Variants in IRF2BP1 observed in about 807,000 individuals in gnomAD.
The protein encoded by IRF2BP1 is interferon regulatory factor 2-binding protein 1.
In IRF2BP1, 9 loss-of-function variants were observed where a neutral mutation model predicts 38.6. The ratio of observed to expected loss-of-function variants is 0.23; its 90% CI spans 0.14 to 0.41. The LOEUF (loss-of-function observed/expected upper bound fraction) is 0.41. Ranked by LOEUF, IRF2BP1 falls within the 10% of genes least tolerant of loss-of-function variation. IRF2BP1 has a pLI of 1.00. For synonymous variants in IRF2BP1, 416 were observed against 383.4 expected, an observed-to-expected ratio of 1.08 and a Z score of -0.99; for missense variants, 631 against 829.6, an observed-to-expected ratio of 0.76 and a Z score of 2.94.
Position 45,884,150 on chromosome 19 carries a change from C to A in IRF2BP1, c.1625G>T (p.Gly542Val). 6.2e-7 allele frequency: 1 copy of A among 1,613,196 alleles called. No homozygotes were observed. Among genetic ancestry groups the A allele is most frequent in the Non-Finnish European group, 8.5e-7 (1 of 1,179,892 alleles). Residue 542 changes from glycine to valine, a missense_variant, in exon 1 of 1, where the codon GGG becomes GTG. Gly to Val is a moderately radical substitution (Grantham distance 109, BLOSUM62 -3). This residue lies in a region of IRF2BP1 where 58 missense variants were observed against 108.4 expected (regional missense o/e 0.54). Transcript: ENST00000302165. ...GTCTCCGCTCGGGCAGTACACCTCC[C>A]CGGCCGGGCCCTGCGCCTTGATGAA... is the stretch of plus-strand genomic sequence containing the variant. ...REFIKAQGPA[G>V]EVYCPSGDKC...
Position 45,885,526 on chromosome 19 carries a change from TGCC to T in IRF2BP1, c.246_248del (p.Ala85del), listed in dbSNP as rs1568638689. 1 of 1,418,620 alleles carries T rather than the reference TGCC, an allele frequency of 7.0e-7. No homozygotes were observed. Among genetic ancestry groups the T allele is most frequent in the African/African-American group, 1.5e-5 (1 of 66,366 alleles). The allele number at this position is 1,418,620 out of a possible 1,614,324, so 87.9% of individuals were successfully genotyped here. ...GCGGCAGCTGGGGCCCCTGTGCGGCTGCCGCCGCCAGGTCCTTGGTGGCCGGGT... is the reference window on the plus strand; with the variant it reads ...GCGGCAGCTGGGGCCCCTGTGCGGCTGCCGCCAGGTCCTTGGTGGCCGGGT... On this transcript the variant is annotated inframe_deletion, in exon 1 of 1. Coordinates refer to ENST00000302165, the MANE Select transcript of IRF2BP1 (RefSeq NM_015649.3).
rs771615840 is a variant in IRF2BP1 at position 45,885,220 on chromosome 19, C to G, written c.555G>C (p.Leu185Phe). ...AGCCGAAGAGGGGACGGGCAGGACT[C>G]AAGCCGGGTGCCAGCGTCAGGCCTC... ...GSRGLTLAPG[L>F]SPARPLFGSD... is the part of the protein sequence containing the mutation. Residue 185 changes from leucine to phenylalanine, a missense_variant, in exon 1 of 1, where the codon TTG becomes TTC. Physicochemically the swap from Leu to Phe is conservative, Grantham distance 22. Transcript: ENST00000302165. 5.0e-6 allele frequency: 8 copies of G among 1,605,756 alleles called. No homozygotes were observed. The Admixed American group carries it at 1.3e-4, about 27-fold the overall frequency.
Position 45,884,176 on chromosome 19 carries a change from C to T in IRF2BP1, c.1599G>A (p.Glu533=). The T allele has an allele frequency of 6.2e-7, 1 of 1,613,040 alleles. No individual in the cohort carries two copies. The highest frequency in any genetic ancestry group is 1.3e-5 in the African/African-American group (1 of 75,066). The change falls in exon 1 of 1, where the codon GAG becomes GAA. Residue 533 remains glutamate, a synonymous_variant. Transcript: ENST00000302165. ...CGGCCGGGCCCTGCGCCTTGATGAA[C>T]TCCCGGGAGCAGGGAAAGCAGAACT... is the stretch of plus-strand genomic sequence containing the variant. ...GHKFCFPCSR[E]FIKAQGPAGE...
In IRF2BP1 at chr19:45,885,726, G is replaced by A. The variant is rs1967047291; in HGVS notation, c.49C>T (p.Leu17=). The change falls in exon 1 of 1, where the codon CTG becomes TTG. Residue 17 remains leucine (L), a synonymous_variant. Transcript: ENST00000302165. ...ACCATGGCCCACGGCATCTTGGGCAGGTCGCACAGGTAGCACCACTGGCGG... is the reference window on the plus strand; with the variant it reads ...ACCATGGCCCACGGCATCTTGGGCAAGTCGCACAGGTAGCACCACTGGCGG... ...SRRQWCYLCD[L]PKMPWAMVWD... 1 of 1,584,096 alleles carries A rather than the reference G, an allele frequency of 6.3e-7. No homozygotes were observed. The highest frequency in any genetic ancestry group is 8.5e-7 in the Non-Finnish European group (1 of 1,173,782).
chr19:45,883,921 T>TA lies in IRF2BP1; in HGVS notation c.*98dup. On this transcript the variant is annotated 3_prime_UTR_variant, in exon 1 of 1. Transcript: ENST00000302165. ...TGGAAGAAGGGAGTATGTACACAGA[T>TA]AGAGGTGGCACTGGGCTGGGTCGGG... 1 of 1,146,882 alleles carries TA rather than the reference T, an allele frequency of 8.7e-7. No homozygotes were observed. Among genetic ancestry groups the TA allele is most frequent in the South Asian group, 1.6e-5 (1 of 63,108 alleles). The allele number at this position is 1,146,882 out of a possible 1,614,324, so 71.0% of individuals were successfully genotyped here.
chr19:45,886,092 T>TCGCCGCCGCCGCTGCGACGGC lies in IRF2BP1; in HGVS notation c.-319_-318insGCCGTCGCAGCGGCGGCGGCG, dbSNP rs1967052859. On this transcript the variant is annotated 5_prime_UTR_variant, in exon 1 of 1. Coordinates refer to ENST00000302165, the MANE Select transcript of IRF2BP1 (RefSeq NM_015649.3). Reference sequence around the variant, plus strand: ...CCGCCGCCTCGGGCTCCCGCCGCTCTCGCCGCCGCCGCTGCAACGGCCGCC... The same window carrying TCGCCGCCGCCGCTGCGACGGC: ...CCGCCGCCTCGGGCTCCCGCCGCTCTCGCCGCCGCCGCTGCGACGGCCGCCGCCGCCGCTGCAACGGCCGCC... 1 of 222,750 alleles carries TCGCCGCCGCCGCTGCGACGGC rather than the reference T, an allele frequency of 4.5e-6. No homozygotes were observed. The highest frequency in any genetic ancestry group is 1.6e-4 in the South Asian group (1 of 6,400). 13.8% of individuals were successfully genotyped at this position (222,750 alleles called of 1,614,324 possible).
rs1313240825 is a variant in IRF2BP1 at position 45,885,460 on chromosome 19, G to T, written c.315C>A (p.Gly105=). The T allele has an allele frequency of 6.8e-7, 1 of 1,479,188 alleles. No homozygotes were observed. The highest frequency in any genetic ancestry group is 8.9e-7 in the Non-Finnish European group (1 of 1,119,912). The allele number at this position is 1,479,188 out of a possible 1,614,324, so 91.6% of individuals were successfully genotyped here. A position where few individuals can be genotyped will look rare whatever the true frequency, so the allele number is the denominator to read the frequency against. Residue 105 remains glycine (G), a synonymous_variant, in exon 1 of 1, where the codon GGC becomes GGA. Transcript: ENST00000302165. ...AQPQPSGTGG[G]VSGQDRYDRA... ...TGTCATAGCGGTCCTGGCCCGACAC[G>T]CCGCCGCCGGTCCCTGACGGCTGGG... is the stretch of plus-strand genomic sequence containing the variant.
At position 45,884,397 on chromosome 19, in the gene IRF2BP1, C is replaced by T; in HGVS notation, c.1378G>A (p.Ala460Thr). Residue 460 changes from alanine (A) to threonine (T), a missense_variant, in exon 1 of 1, where the codon GCC becomes ACC. By Grantham distance (58) the Ala-to-Thr change is moderately conservative. Around this residue, in one of 5 missense-constraint regions of IRF2BP1, gnomAD observed 201 missense variants for 215.3 expected, o/e 0.93. Coordinates refer to ENST00000302165, the MANE Select transcript of IRF2BP1 (RefSeq NM_015649.3). The part of the protein sequence containing the change: ...GGASPAASST[A>T]QPPTQHRLVA... ...AGGCGATGCTGGGTTGGCGGCTGGGCCGTGGAGGAGGCTGCAGGGCTGGCG... is the reference window on the plus strand; with the variant it reads ...AGGCGATGCTGGGTTGGCGGCTGGGTCGTGGAGGAGGCTGCAGGGCTGGCG... The T allele has an allele frequency of 1.2e-6, 2 of 1,603,054 alleles. No individual in the cohort carries two copies. The highest frequency in any genetic ancestry group is 8.5e-7 in the Non-Finnish European group (1 of 1,178,452).
chr19:45,885,272 G>C lies in IRF2BP1; in HGVS notation c.503C>G (p.Ala168Gly). 1 of 1,603,054 alleles carries C rather than the reference G, an allele frequency of 6.2e-7. No individual in the cohort carries two copies. Among genetic ancestry groups the C allele is most frequent in the Non-Finnish European group, 8.5e-7 (1 of 1,179,904 alleles). ...GCTTCCCAGGCCAGACACTGCAGCT[G>C]CCAGCAGCCCAGGGGGCATCAAGCC... The part of the protein sequence containing the change: ...MPGLMPPGLL[A>G]AAVSGLGSRG... Residue 168 changes from alanine to glycine, a missense_variant, in exon 1 of 1, where the codon GCA becomes GGA. This residue lies in a region of IRF2BP1 where 206 missense variants were observed against 207.0 expected (regional missense o/e 1.00). Transcript: ENST00000302165.
rs940210630 is a variant in IRF2BP1 at position 45,885,132 on chromosome 19, T to A, written c.643A>T (p.Met215Leu). 2.5e-6 allele frequency: 4 copies of A among 1,611,274 alleles called. No homozygotes were observed. Among genetic ancestry groups the A allele is most frequent in the Non-Finnish European group, 2.5e-6 (3 of 1,180,022 alleles). The change falls in exon 1 of 1, where the codon ATG (methionine) becomes TTG (leucine). Residue 215 changes from methionine (M) to leucine (L), a missense_variant. Coordinates refer to ENST00000302165, the MANE Select transcript of IRF2BP1 (RefSeq NM_015649.3). Reference protein sequence around the residue: ...ADCLAELNEAMRGRAEEWHGR... With the variant: ...ADCLAELNEALRGRAEEWHGR... ...TGCCATTCCTCTGCCCGGCCTCGCA[T>A]GGCCTCGTTCAGTTCTGCCAGACAG... is the stretch of plus-strand genomic sequence containing the variant.
chr19:45,884,972 T>G lies in IRF2BP1; in HGVS notation c.803A>C (p.Tyr268Ser). 1.2e-6 allele frequency: 2 copies of G among 1,613,442 alleles called. No homozygotes were observed. The highest frequency in any genetic ancestry group is 1.7e-5 in the Admixed American group (1 of 60,036). The change falls in exon 1 of 1, where the codon TAC becomes TCC. Residue 268 changes from tyrosine (Y) to serine (S), a missense_variant. By Grantham distance (144) the Tyr-to-Ser change is moderately radical. Transcript: ENST00000302165. Reference sequence around the variant, plus strand: ...GGTGAAGAGCTTCAGCTCGAACTCGTATCCTGGAGGACGGGCAGTAGCATC... The same window carrying G: ...GGTGAAGAGCTTCAGCTCGAACTCGGATCCTGGAGGACGGGCAGTAGCATC... ...AFDATARPPGYEFELKLFTEY... is the reference protein window; with the variant it reads ...AFDATARPPGSEFELKLFTEY...
Position 45,884,834 on chromosome 19 carries a change from T to C in IRF2BP1, c.941A>G (p.Lys314Arg), listed in dbSNP as rs762596692. The change falls in exon 1 of 1, where the codon AAG becomes AGG. Residue 314 changes from lysine (K) to arginine (R), a missense_variant. This residue lies in a region of IRF2BP1 where 133 missense variants were observed against 232.2 expected (regional missense o/e 0.57). Coordinates refer to ENST00000302165, the MANE Select transcript of IRF2BP1 (RefSeq NM_015649.3). ...ATGCCGGCGTTCATATTCGAGGTAC[T>C]TGAAGCCCGAAGAAGCCAGTGCCTT... Reference protein sequence around the residue: ...PGKALASSGFKYLEYERRHGS... With the variant: ...PGKALASSGFRYLEYERRHGS... The C allele has an allele frequency of 5.0e-6, 8 of 1,612,820 alleles. No homozygotes were observed. The African/African-American group carries it at 6.7e-5, about 13-fold the overall frequency.
rs1306434449 is a variant in IRF2BP1, at chr19:45,884,618, T to A, written c.1157A>T (p.Glu386Val). 1 of 1,599,676 alleles carries A rather than the reference T, an allele frequency of 6.3e-7. No homozygotes were observed. The highest frequency in any genetic ancestry group is 1.1e-5 in the South Asian group (1 of 90,982). The change falls in exon 1 of 1, where the codon GAG (glutamate) becomes GTG (valine). Residue 386 changes from glutamate to valine, a missense_variant. This residue lies in a region of IRF2BP1 where 201 missense variants were observed against 215.3 expected (regional missense o/e 0.93). Coordinates refer to ENST00000302165, the MANE Select transcript of IRF2BP1 (RefSeq NM_015649.3). Reference protein sequence around the residue: ...PTPRRRKASPEPEGEAAGKMT... With the variant: ...PTPRRRKASPVPEGEAAGKMT... ...CTTCCCAGCCGCCTCGCCCTCCGGC[T>A]CGGGGGATGCCTTGCGACGGCGCGG...
rs770195114 is a variant in IRF2BP1 at position 45,885,399 on chromosome 19, G to A, written c.376C>T (p.Pro126Ser). The A allele has an allele frequency of 2.6e-5, 41 of 1,600,146 alleles. No individual in the cohort carries two copies. Among genetic ancestry groups the A allele is most frequent in the Non-Finnish European group, 3.3e-5 (39 of 1,174,180 alleles). Residue 126 changes from proline (P) to serine (S), a missense_variant, in exon 1 of 1, where the codon CCC (proline) becomes TCC (serine). Physicochemically the swap from Pro to Ser is moderately conservative, Grantham distance 74. Around this residue, in one of 5 missense-constraint regions of IRF2BP1, gnomAD observed 206 missense variants for 207.0 expected, o/e 1.00. Coordinates refer to ENST00000302165, the MANE Select transcript of IRF2BP1 (RefSeq NM_015649.3). Reference sequence around the variant, plus strand: ...GACCCCAGAGTGTACTCCAGGGCGGGCGAGGGCAGGGGGAGGCGGCCTGAT... The same window carrying A: ...GACCCCAGAGTGTACTCCAGGGCGGACGAGGGCAGGGGGAGGCGGCCTGAT... The part of the protein sequence containing the change: ...TSSGRLPLPS[P>S]ALEYTLGSRL...
rs779375064 is a variant in IRF2BP1, at chr19:45,885,235, C to A, written c.540G>T (p.Thr180=). ...GGGCAGGACTCAAGCCGGGTGCCAG[C>A]GTCAGGCCTCGGCTTCCCAGGCCAG... ...AVSGLGSRGL[T]LAPGLSPARP... Residue 180 remains threonine (T), a synonymous_variant, in exon 1 of 1, where the codon ACG becomes ACT. Transcript: ENST00000302165. 5 of 1,604,344 alleles carry A rather than the reference C, an allele frequency of 3.1e-6. No homozygotes were observed. The highest frequency in any genetic ancestry group is 1.7e-5 in the Admixed American group (1 of 60,032).
In IRF2BP1 at chr19:45,884,251, C is replaced by G. The variant is rs1967025208; in HGVS notation, c.1524G>C (p.Glu508Asp). The G allele has an allele frequency of 6.2e-7, 1 of 1,609,392 alleles. No homozygotes were observed. Residue 508 changes from glutamate to aspartate, a missense_variant, in exon 1 of 1, where the codon GAG (glutamate) becomes GAC (aspartate). Transcript: ENST00000302165. ...GAPLCCTLCR[E>D]RLEDTHFVQC... ...GGACGAAGTGGGTGTCTTCTAGCCG[C>G]TCCCTGCACAGGGTACAGCACAGGG...
chr19:45,885,801 C>A lies in IRF2BP1; in HGVS notation c.-27G>T, dbSNP rs1374745785. 4 of 1,511,650 alleles carry A rather than the reference C, an allele frequency of 2.6e-6. No individual in the cohort carries two copies. The African/African-American group carries it at 5.8e-5, about 22-fold the overall frequency. 93.6% of individuals were successfully genotyped at this position (1,511,650 alleles called of 1,614,324 possible). On this transcript the variant is annotated 5_prime_UTR_variant, in exon 1 of 1. Coordinates refer to ENST00000302165, the MANE Select transcript of IRF2BP1 (RefSeq NM_015649.3). The stretch of plus-strand genomic sequence containing the variant: ...GCCCCAGTCCGCGCGCCGCCCAGCT[C>A]CCGCGTTCCACCGGCCGCCGACGTG...
Position 45,884,162 on chromosome 19 carries a change from T to A in IRF2BP1, c.1613A>T (p.Gln538Leu). Residue 538 changes from glutamine to leucine, a missense_variant, in exon 1 of 1, where the codon CAG becomes CTG. Physicochemically the swap from Gln to Leu is moderately radical, Grantham distance 113. Transcript: ENST00000302165. ...GCAGTACACCTCCCCGGCCGGGCCC[T>A]GCGCCTTGATGAACTCCCGGGAGCA... The part of the protein sequence containing the change: ...FPCSREFIKA[Q>L]GPAGEVYCPS... 1 of 1,613,086 alleles carries A rather than the reference T, an allele frequency of 6.2e-7. No homozygotes were observed. Among genetic ancestry groups the A allele is most frequent in the Non-Finnish European group, 8.5e-7 (1 of 1,179,870 alleles).
Position 45,884,375 on chromosome 19 carries a change from C to A in IRF2BP1, c.1400G>T (p.Arg467Leu). 6.2e-7 allele frequency: 1 copy of A among 1,606,702 alleles called. No individual in the cohort carries two copies. Among genetic ancestry groups the A allele is most frequent in the Middle Eastern group, 1.7e-4 (1 of 5,974 alleles). Residue 467 changes from arginine (R) to leucine (L), a missense_variant, in exon 1 of 1, where the codon CGC (arginine) becomes CTC (leucine). By Grantham distance (102) the Arg-to-Leu change is moderately radical. Transcript: ENST00000302165. Reference protein sequence around the residue: ...SSTAQPPTQHRLVARNGEAEV... With the variant: ...SSTAQPPTQHLLVARNGEAEV... The stretch of plus-strand genomic sequence containing the variant: ...TGCTTCGCCGTTGCGGGCCACAAGG[C>A]GATGCTGGGTTGGCGGCTGGGCCGT...
Sources: allele counts gnomAD v4.1 joint callset, GRCh38; gene constraint gnomAD v4.1.1; regional missense constraint gnomAD v4.1.1; transcripts MANE v1.5; gene names NCBI Gene and HGNC (gene_info 2026-07-23, HGNC 2026-07-21).